The following MAP3K13 variants were observed in gnomAD, a reference collection of about 807,000 sequenced individuals.
The protein encoded by MAP3K13 is leucine zipper-bearing kinase.
A neutral mutation model predicts 104.0 loss-of-function variants in MAP3K13; 52 were observed. That is an observed-to-expected ratio of 0.50 (90% confidence interval 0.40 to 0.63). The LOEUF is 0.63. MAP3K13 is among the 20% of genes least tolerant of loss of function. MAP3K13 has a pLI of 0.00. For missense variants in MAP3K13, 914 were observed against 1,218.5 expected, an observed-to-expected ratio of 0.75 and a Z score of 3.72; for synonymous variants, 394 against 442.2, an observed-to-expected ratio of 0.89 and a Z score of 1.37.
At chr3:185,435,986 C>A (rs937182746) in intron 2 of MAP3K13, among the ~76,000 whole-genome samples, 3 of 152,174 alleles carry the variant, frequency 2.0e-5, no homozygotes, top group African/African-American at 7.2e-5. Context: ...CATGACCTTT[C>A]ACACTGGCAT....
rs1278152315 is a variant in MAP3K13, at chr3:185,487,613, C to G, written c.*5157C>G. 1 of 152,070 alleles carries G rather than the reference C, an allele frequency of 6.6e-6. No individual in the cohort carries two copies. The highest frequency in any genetic ancestry group is 1.5e-5 in the Non-Finnish European group (1 of 68,022). 9.4% of individuals were successfully genotyped at this position (152,070 alleles called of 1,614,324 possible). On this transcript the variant is annotated 3_prime_UTR_variant, in exon 14 of 14. Coordinates refer to ENST00000265026, the MANE Select transcript of MAP3K13 (RefSeq NM_004721.5). ...TTTTCCTTTTCTTAAAACAGTCCCA[C>G]TTGAACTTCCTGGAACTGAATTCTC... is the stretch of plus-strand genomic sequence containing the variant.
chr3:185,416,354 G>A lies in MAP3K13; in HGVS notation c.-85-12143G>A, dbSNP rs1046782136. Reference sequence around the variant, plus strand: ...GTTTATTCTAATTTTTCTAGTTAAAGATTTGCATAGCTAACAAATATTGAG... The same window carrying A: ...GTTTATTCTAATTTTTCTAGTTAAAAATTTGCATAGCTAACAAATATTGAG... On this transcript the variant is annotated intron_variant, in intron 1 of 13. Coordinates refer to ENST00000265026, the MANE Select transcript of MAP3K13 (RefSeq NM_004721.5). Among the ~76,000 whole-genome samples, 6 of 151,570 alleles carry A rather than the reference G, an allele frequency of 4.0e-5. No homozygotes were observed. In the South Asian group the frequency reaches 1.3e-3, roughly 32 times the overall value.
intron 1 of MAP3K13, among the ~76,000 whole-genome samples, chr3:185,391,993 A>G (rs73887881): frequency 0.014 from 2,096 of 152,252 alleles, 46 homozygotes; most frequent in African/African-American, 0.048. Context: ...TGAAGTTTCT[A>G]TTATTATCCT....
intron 1 of MAP3K13, among the ~76,000 whole-genome samples, chr3:185,389,648 C>T (rs959820266): frequency 4.0e-5 from 6 of 151,426 alleles, no homozygotes; most frequent in South Asian, 2.1e-4. Context: ...TTGACACATA[C>T]GCCGTATTTT....
intron 1 of MAP3K13, among the ~76,000 whole-genome samples, chr3:185,367,987 G>C (rs979782369): frequency 6.6e-6 from 1 of 151,946 alleles, no homozygotes; most frequent in Non-Finnish European, 1.5e-5. Flanking sequence ...CAAAACCCTG[G>C]GTCTACAAAA....
Position 185,473,801 on chromosome 3 carries a change from C to T in MAP3K13, c.2430+40C>T, listed in dbSNP as rs1320859475. 1 of 1,564,152 alleles carries T rather than the reference C, an allele frequency of 6.4e-7. No homozygotes were observed. The highest frequency in any genetic ancestry group is 8.7e-7 in the Non-Finnish European group (1 of 1,155,388). Reference sequence around the variant, plus strand: ...TGAGAGTGGCCTGCGTCACTGCCTTCAAAGAATGCCAGAGCCTGTCATGTT... The same window carrying T: ...TGAGAGTGGCCTGCGTCACTGCCTTTAAAGAATGCCAGAGCCTGTCATGTT... On this transcript the variant is annotated intron_variant, in intron 11 of 13. Transcript: ENST00000265026. The surrounding 1 kb of genome is among the most constrained non-coding windows in gnomAD (Gnocchi z 4.9).
rs372983945 is a variant in MAP3K13, at chr3:185,354,314, G to A, written c.-86+68671G>A. ...GGGCAGCAGAGAGCATCACCCGGTA[G>A]CCTAACCTGTAGGCTTCAAACCGGG... On this transcript the variant is annotated intron_variant, in intron 2 of 14. Transcript: ENST00000424227. 9.9e-5 allele frequency among the ~76,000 whole-genome samples: 15 copies of A among 150,970 alleles called. 1 individual carries two copies. The East Asian group carries it at 2.2e-3, about 22-fold the overall frequency.
chr3:185,420,508 T>A (rs778913855), intron 1 of MAP3K13, among the ~76,000 whole-genome samples: 22 of 152,242 alleles, frequency 1.4e-4, no homozygotes, highest in Non-Finnish European at 2.2e-4. Context: ...AACTGCTATA[T>A]GAATTTTAGA....
At chr3:185,446,020 A>T (rs1403714621) in intron 4 of MAP3K13, among the ~76,000 whole-genome samples, 4 of 152,026 alleles carry the variant, frequency 2.6e-5, no homozygotes, top group Non-Finnish European at 5.9e-5. Context: ...TTAAATCAAA[A>T]CTCCTAAGTT....
At position 185,482,468 on chromosome 3, in the gene MAP3K13, A is replaced by C. The variant is rs1718521833; in HGVS notation, c.*12A>C. 6.3e-7 allele frequency: 1 copy of C among 1,588,522 alleles called. No individual in the cohort carries two copies. The highest frequency in any genetic ancestry group is 8.6e-7 in the Non-Finnish European group (1 of 1,157,120). On this transcript the variant is annotated 3_prime_UTR_variant, in exon 14 of 14. Transcript: ENST00000265026. This position sits in a 1 kb window ranked among gnomAD's most constrained non-coding sequence, Gnocchi z 4.5. Reference sequence around the variant, plus strand: ...CTGCTACCTGGTAATGAAGGAATACACATCCTGAAGATCTCGTGACTATAC... The same window carrying C: ...CTGCTACCTGGTAATGAAGGAATACCCATCCTGAAGATCTCGTGACTATAC...
chr3:185,356,163 G>T (rs1191397790), intron 2 of MAP3K13, among the ~76,000 whole-genome samples: 4 of 144,458 alleles, frequency 2.8e-5, no homozygotes, highest in Admixed American at 6.9e-5. Context: ...TAATAATAAA[G>T]TGTAAACACC....
At chr3:185,311,221 A>C (rs552349030) in intron 2 of MAP3K13, among the ~76,000 whole-genome samples, 1 of 152,312 alleles carries the variant, frequency 6.6e-6, no homozygotes, top group Non-Finnish European at 1.5e-5. Flanking sequence ...ACTGGGAAGA[A>C]AAAGAGGTTT....
rs143578598 is a variant in MAP3K13 at position 185,437,484 on chromosome 3, G to A, written c.513G>A (p.Leu171=). 6.2e-7 allele frequency: 1 copy of A among 1,614,010 alleles called. No homozygotes were observed. The highest frequency in any genetic ancestry group is 8.5e-7 in the Non-Finnish European group (1 of 1,179,976). ...TGCCATTTGAGGAGATCTCAGAGCT[G>A]CAGTGGCTGGGTAGTGGAGCCCAAG... ...WEVPFEEISE[L]QWLGSGAQGA... is the part of the protein sequence containing the mutation. The change falls in exon 3 of 14, where the codon CTG becomes CTA. Residue 171 remains leucine (L), a synonymous_variant. Coordinates refer to ENST00000265026, the MANE Select transcript of MAP3K13 (RefSeq NM_004721.5).
At chr3:185,459,891 C>T (rs969032559) in intron 7 of MAP3K13, among the ~76,000 whole-genome samples, 4 of 152,170 alleles carry the variant, frequency 2.6e-5, no homozygotes, top group African/African-American at 7.2e-5. Context: ...CCACCACCCC[C>T]GGTAATCTCT....
chr3:185,427,801 G>A (rs763085151), intron 1 of MAP3K13, among the ~76,000 whole-genome samples: 8 of 152,100 alleles, frequency 5.3e-5, no homozygotes, highest in African/African-American at 1.2e-4. Flanking sequence ...AAGATAGGCC[G>A]GGCACGGTGG....
At chr3:185,456,590 C>T (rs1419752514) in intron 7 of MAP3K13, among the ~76,000 whole-genome samples, 2 of 137,112 alleles carry the variant, frequency 1.5e-5, no homozygotes, top group African/African-American at 5.2e-5. Flanking sequence ...CACAGCTTTG[C>T]TTCTCCTTTT....
At chr3:185,475,732 T>C (rs1286018373) in intron 11 of MAP3K13, among the ~76,000 whole-genome samples, 1 of 152,008 alleles carries the variant, frequency 6.6e-6, no homozygotes, top group Non-Finnish European at 1.5e-5. Flanking sequence ...ACTCCTGTAA[T>C]CCCAGGTACT....
chr3:185,372,775 A>T (rs1724221475), intron 1 of MAP3K13, among the ~76,000 whole-genome samples: 1 of 152,222 alleles, frequency 6.6e-6, no homozygotes, highest in South Asian at 2.1e-4. Flanking sequence ...AGAGCCAACC[A>T]GTTCTAATAG....
chr3:185,306,049 GT>G (rs939261748), intron 2 of MAP3K13, among the ~76,000 whole-genome samples: 2 of 152,152 alleles, frequency 1.3e-5, no homozygotes, highest in African/African-American at 2.4e-5. Flanking sequence ...TTCTATCCTT[GT>G]GTTAATTCTC....
Sources: allele counts gnomAD v4.1 joint callset (sites outside exome capture counted in the v4.1 genomes callset), GRCh38; gene constraint gnomAD v4.1.1; non-coding constraint Gnocchi (gnomAD v3.1); transcripts MANE v1.5; gene names NCBI Gene and HGNC (gene_info 2026-07-23, HGNC 2026-07-21).